The following DST variants were observed in gnomAD, a reference collection of about 807,000 sequenced individuals.
The protein encoded by DST is bullous pemphigoid antigen.
A neutral mutation model predicts 875.2 loss-of-function variants in DST; 253 were observed. The observed-to-expected ratio is 0.29, with a 90% confidence interval of 0.26 to 0.32. DST has a LOEUF of 0.32. Ranked by LOEUF, DST falls within the 10% of genes least tolerant of loss-of-function variation. The probability of loss-of-function intolerance (pLI) is 1.00; values close to 1 mark genes in which losing one functional copy is unlikely to be tolerated. For missense variants in DST, 8,287 were observed against 9,111.6 expected (o/e 0.91, Z 3.68); for synonymous variants, 3,124 against 3,197.1 (o/e 0.98, Z 0.77).
intron 4 of DST, among the ~76,000 whole-genome samples, chr6:56,840,738 A>G (rs1296117714): frequency 1.3e-5 from 2 of 152,166 alleles, no homozygotes; most frequent in Admixed American, 1.3e-4. Context: ...AACTCCTCTC[A>G]AGGCTGTCTG....
rs542994472 is a variant in DST at position 56,942,096 on chromosome 6, T to G, written c.216+11689A>C. On this transcript the variant is annotated intron_variant, in intron 2 of 103. Transcript: ENST00000680361. ...CCCTCTTTGTCTCTGTTAATACCAT[T>G]TGCCTTGATTATCTACTTTACCTAA... 2.0e-5 allele frequency among the ~76,000 whole-genome samples: 3 copies of G among 152,322 alleles called. No individual in the cohort carries two copies. The South Asian group carries it at 6.2e-4, about 32-fold the overall frequency.
At chr6:56,576,699 G>T (rs1043058434) in intron 50 of DST, among the ~76,000 whole-genome samples, 1 of 152,102 alleles carries the variant, frequency 6.6e-6, no homozygotes, top group Non-Finnish European at 1.5e-5. Flanking sequence ...TAGGTCATGA[G>T]GGTAGAGCCC....
Position 56,835,320 on chromosome 6 carries a change from C to A in DST, c.625+16077G>T, listed in dbSNP as rs2099792295. On this transcript the variant is annotated intron_variant, in intron 4 of 103. Transcript: ENST00000680361. Reference sequence around the variant, plus strand: ...ATATAGAACTGTACAACAAAGGAAACCCTAATGTAAACTATTAATCTTGTA... The same window carrying A: ...ATATAGAACTGTACAACAAAGGAAAACCTAATGTAAACTATTAATCTTGTA... 7.2e-5 allele frequency among the ~76,000 whole-genome samples: 11 copies of A among 152,074 alleles called. No individual in the cohort carries two copies. In the South Asian group the frequency reaches 2.3e-3, roughly 32 times the overall value.
intron 100 of DST, 186 bp from the exon 101 acceptor site, chr6:56,463,950 C>T: frequency 2.8e-6 from 2 of 723,664 alleles, no homozygotes; most frequent in Non-Finnish European, 5.0e-6. Flanking sequence ...ACAATGCATT[C>T]CTTTTGGATA....
At position 56,648,545 on chromosome 6, in the gene DST, A is replaced by G. The variant is rs200196646; in HGVS notation, c.1554+25T>C. The G allele has an allele frequency of 3.5e-5, 54 of 1,544,856 alleles. 1 individual carries two copies. Among genetic ancestry groups the G allele is most frequent in the Non-Finnish European group, 1.8e-6 (2 of 1,141,656 alleles). ...AAGGGTTTACAATTGAATCAATCCT[A>G]TGTAATTTCTACAGTGACACTAACC... is the stretch of plus-strand genomic sequence containing the variant. On this transcript the variant is annotated intron_variant, in intron 13 of 103. Coordinates refer to ENST00000680361, the MANE Select transcript of DST (RefSeq NM_001374736.1).
At chr6:56,822,640 G>A (rs1463840585) in intron 4 of DST, among the ~76,000 whole-genome samples, 1 of 151,888 alleles carries the variant, frequency 6.6e-6, no homozygotes, top group African/African-American at 2.4e-5. Flanking sequence ...AAATTTCCCA[G>A]ATCCTCAAAT....
In DST at chr6:56,535,190, G is replaced by T; in HGVS notation, c.16873C>A (p.Leu5625Ile). The change falls in exon 63 of 104, where the codon CTT becomes ATT. Residue 5625 changes from leucine (L) to isoleucine (I), a missense_variant. By Grantham distance (5) the Leu-to-Ile change is conservative. This residue lies in a region of DST where 777 missense variants were observed against 764.8 expected (regional missense o/e 1.02). Transcript: ENST00000680361. ...LLSWMVDTEE[L>I]VANQKPPSAE... ...GACGGGGGCTTCTGATTGGCCACAA[G>T]CTCCTCAGTGTCCACCATCCAGCTG... 2 of 1,613,738 alleles carry T rather than the reference G, an allele frequency of 1.2e-6. No homozygotes were observed. The highest frequency in any genetic ancestry group is 2.2e-5 in the South Asian group (2 of 91,016).
Position 56,494,106 on chromosome 6 carries a change from TGCAA to T in DST, c.20294_20297del (p.Leu6765GlnfsTer15). Reference sequence around the variant, plus strand: ...TTGTCTCTGCAGATTTTGGGCATCTTGCAAGCATCTGCTGGCCTTTCTGCATCAG... The same window carrying T: ...TTGTCTCTGCAGATTTTGGGCATCTTGCATCTGCTGGCCTTTCTGCATCAG... On this transcript the variant is annotated frameshift_variant, in exon 83 of 104. Transcript: ENST00000680361. LOFTEE classifies it high-confidence loss of function. 6.2e-7 allele frequency: 1 copy of T among 1,611,864 alleles called. No individual in the cohort carries two copies. Among genetic ancestry groups the T allele is most frequent in the Non-Finnish European group, 8.5e-7 (1 of 1,178,544 alleles).
chr6:56,903,909 C>T (rs553889456), intron 2 of DST, among the ~76,000 whole-genome samples: 2 of 152,178 alleles, frequency 1.3e-5, no homozygotes, highest in Non-Finnish European at 2.9e-5. Flanking sequence ...TTTATAAGCA[C>T]TGTGGTATAC....
At chr6:56,851,203 A>T in intron 4 of DST, 194 bp downstream of exon 4, 2 of 591,206 alleles carry the variant, frequency 3.4e-6, no homozygotes, top group Non-Finnish European at 3.0e-6. Flanking sequence ...CAAACAGCTT[A>T]GTCACCAGCA....
At chr6:56,873,966 A>T (rs1236578525) in intron 3 of DST, among the ~76,000 whole-genome samples, 1 of 152,208 alleles carries the variant, frequency 6.6e-6, no homozygotes, top group Non-Finnish European at 1.5e-5. Context: ...CATGTAAGCC[A>T]GCTTCAGTGG....
In DST at chr6:56,614,366, G is replaced by C. The variant is rs764786907; in HGVS notation, c.5048C>G (p.Ser1683Cys). The C allele has an allele frequency of 3.4e-5, 55 of 1,604,868 alleles. No individual in the cohort carries two copies. Among genetic ancestry groups the C allele is most frequent in the Non-Finnish European group, 4.5e-5 (53 of 1,176,066 alleles). Residue 1683 changes from serine (S) to cysteine (C), a missense_variant, in exon 37 of 104, where the codon TCT becomes TGT. Ser to Cys is a moderately radical substitution (Grantham distance 112). Coordinates refer to ENST00000680361, the MANE Select transcript of DST (RefSeq NM_001374736.1). ...DAEKAGKPPF[S>C]KQKISSEEIS... The stretch of plus-strand genomic sequence containing the variant: ...GACTTCTGTGAATACCTTTTGCTTA[G>C]AGAAGGGAGGTTTTCCAGCCTTCTC...
chr6:56,792,449 T>C (rs557020048), intron 4 of DST, among the ~76,000 whole-genome samples: 1 of 152,246 alleles, frequency 6.6e-6, no homozygotes, highest in African/African-American at 2.4e-5. Context: ...ATCTAGCAGA[T>C]ACCATCTCAA....
rs1302421804 is a variant in DST at position 56,618,853 on chromosome 6, GGTCTTTAA to G, written c.4930-4377_4930-4370del. ...TTCTGTGGGTCATCTGCTCCTCTAT[GGTCTTTAA>G]GTGTAATTCGTCTTGTACTTTTTTC... is the stretch of plus-strand genomic sequence containing the variant. On this transcript the variant is annotated intron_variant, in intron 36 of 103. Transcript: ENST00000680361. The G allele has an allele frequency of 1.2e-6, 2 of 1,614,036 alleles. No individual in the cohort carries two copies. The highest frequency in any genetic ancestry group is 1.7e-6 in the Non-Finnish European group (2 of 1,180,018).
At chr6:56,464,512 A>G in intron 100 of DST, 173 bp downstream of exon 100, 1 of 611,802 alleles carries the variant, frequency 1.6e-6, no homozygotes, top group Middle Eastern at 2.6e-4. Flanking sequence ...TAACACAACC[A>G]AAGTCATCAA....
At chr6:56,478,295 T>A (rs908203667) in intron 90 of DST, among the ~76,000 whole-genome samples, 2 of 151,862 alleles carry the variant, frequency 1.3e-5, no homozygotes, top group Admixed American at 6.6e-5. Flanking sequence ...TGTTTGGGGG[T>A]ATGGGAGAGA....
intron 4 of DST, among the ~76,000 whole-genome samples, chr6:56,782,581 AT>A (rs1289993791): frequency 4.4e-4 from 66 of 150,674 alleles, no homozygotes; most frequent in South Asian, 1.7e-3. Context: ...CCCCTTTATC[AT>A]TTTTTATTGC....
intron 83 of DST, 76 bp from the exon 84 acceptor site, chr6:56,493,165 T>G: frequency 7.4e-7 from 1 of 1,354,728 alleles, no homozygotes. Flanking sequence ...AAATATTCTC[T>G]GGCAGATTCC....
chr6:56,723,012 CAT>C (rs1301182939), intron 5 of DST, among the ~76,000 whole-genome samples: 3 of 152,086 alleles, frequency 2.0e-5, no homozygotes, highest in Non-Finnish European at 4.4e-5. Context: ...AATCTTATCA[CAT>C]GAGAATAAAA....
Sources: gnomAD v4.1 joint callset for allele counts (sites outside exome capture counted in the v4.1 genomes callset) on GRCh38, gnomAD v4.1.1 for gene constraint, gnomAD v4.1.1 regional missense constraint, MANE v1.5 for transcripts, NCBI Gene and HGNC (gene_info 2026-07-23, HGNC 2026-07-21) for gene names.